RAPGEF4: variants seen among roughly 807,000 people sequenced by gnomAD.
The protein encoded by RAPGEF4 is Rap guanine nucleotide exchange factor 4.
Under a neutral mutation model 147.9 loss-of-function variants are expected in RAPGEF4, and 66 were observed. The observed-to-expected ratio is 0.45, with a 90% CI of 0.37 to 0.55. The LOEUF is 0.55. RAPGEF4 is among the 20% of genes least tolerant of loss of function. The pLI, the probability that RAPGEF4 is intolerant of heterozygous loss-of-function variation, is 0.00. For missense variants in RAPGEF4, 1,071 were observed against 1,257.3 expected (o/e 0.85, Z 2.24); for synonymous variants, 419 against 442.7 (o/e 0.95, Z 0.67).
chr2:172,785,502 G>A (rs1275524262), intron 1 of RAPGEF4, among the ~76,000 whole-genome samples: 1 of 151,894 alleles, frequency 6.6e-6, no homozygotes, highest in East Asian at 1.9e-4. Flanking sequence ...TTCTTCACTG[G>A]AGGAGATGAG....
At chr2:172,811,938 G>C (rs930276731) in intron 3 of RAPGEF4, among the ~76,000 whole-genome samples, 1 of 152,200 alleles carries the variant, frequency 6.6e-6, no homozygotes, top group African/African-American at 2.4e-5. Flanking sequence ...AGACTGTAAA[G>C]ATAGTGAATA....
At position 173,042,836 on chromosome 2, in the gene RAPGEF4, C is replaced by A. The variant is rs1258183821; in HGVS notation, c.2854-5764C>A. Among the ~76,000 whole-genome samples, 2 of 152,184 alleles carry A rather than the reference C, an allele frequency of 1.3e-5. No individual in the cohort carries two copies. The highest frequency in any genetic ancestry group is 4.8e-5 in the African/African-American group (2 of 41,438). ...GCTCTACACGTGCCTGGAAAGGCAC[C>A]TGAACTGTCTTCTCCCATGGTCATC... On this transcript the variant is annotated intron_variant, in intron 29 of 30. Transcript: ENST00000397081. The surrounding 1 kb of genome is among the most constrained non-coding windows in gnomAD (Gnocchi z 4.2).
intron 1 of RAPGEF4, among the ~76,000 whole-genome samples, chr2:172,741,915 T>C (rs577765949): frequency 5.8e-4 from 88 of 152,286 alleles, no homozygotes; most frequent in African/African-American, 2.0e-3. Flanking sequence ...TGAAGTGATC[T>C]TCCCACCTTG....
intron 1 of RAPGEF4, among the ~76,000 whole-genome samples, chr2:172,769,832 A>C (rs1697191680): frequency 6.6e-6 from 1 of 152,146 alleles, no homozygotes; most frequent in Admixed American, 6.6e-5. Flanking sequence ...AAAAAACTGA[A>C]ATTCATTTAT....
upstream of RAPGEF4, chr2:172,735,595 G>A (rs1195473828): frequency 6.6e-6 from 1 of 152,378 alleles, no homozygotes; most frequent in African/African-American, 2.4e-5. Context: ...CGGGGTGAGG[G>A]TGGGGCCCCA....
intron 1 of RAPGEF4, among the ~76,000 whole-genome samples, chr2:172,794,463 TAAG>T (rs1443404286): frequency 6.6e-6 from 1 of 151,604 alleles, no homozygotes; most frequent in Admixed American, 6.6e-5. Context: ...CACAGAAAAC[TAAG>T]AAGAAGGAAA....
intron 4 of RAPGEF4, among the ~76,000 whole-genome samples, chr2:172,830,837 A>G (rs962297725): frequency 6.6e-6 from 1 of 152,220 alleles, no homozygotes; most frequent in East Asian, 1.9e-4. Flanking sequence ...TAATACATAC[A>G]TGTGGTACAA....
chr2:172,783,416 A>G (rs1684869231), intron 1 of RAPGEF4, among the ~76,000 whole-genome samples: 1 of 152,090 alleles, frequency 6.6e-6, no homozygotes, highest in Admixed American at 6.5e-5. Flanking sequence ...CTAAACAAGG[A>G]GGCATTATGC....
intron 4 of RAPGEF4, among the ~76,000 whole-genome samples, chr2:172,843,502 T>C (rs1276988814): frequency 1.3e-5 from 2 of 152,232 alleles, no homozygotes; most frequent in Non-Finnish European, 2.9e-5. Context: ...TATATAGTTA[T>C]TTTATTTTGC....
chr2:172,982,825 G>C lies in RAPGEF4; in HGVS notation c.1005-671G>C, dbSNP rs1420598698. On this transcript the variant is annotated intron_variant, in intron 10 of 30. Coordinates refer to ENST00000397081, the MANE Select transcript of RAPGEF4 (RefSeq NM_007023.4). ...TACATAAACTGATTAATATCTGGTGGGCAGTGGTGGTTTTTGTAACAAGAG... is the reference window on the plus strand; with the variant it reads ...TACATAAACTGATTAATATCTGGTGCGCAGTGGTGGTTTTTGTAACAAGAG... 2.0e-5 allele frequency among the ~76,000 whole-genome samples: 3 copies of C among 152,188 alleles called. No individual in the cohort carries two copies. In the South Asian group the frequency reaches 6.3e-4, roughly 32 times the overall value.
intron 5 of RAPGEF4, 35 bp downstream of exon 5, chr2:172,917,909 A>T (rs758378550): frequency 6.3e-7 from 1 of 1,583,168 alleles, no homozygotes; most frequent in Non-Finnish European, 8.7e-7. Flanking sequence ...GTATCTAAAA[A>T]TTTGTCGTGT....
intron 18 of RAPGEF4, among the ~76,000 whole-genome samples, chr2:173,014,850 TTTG>T (rs1695362296): frequency 6.6e-6 from 1 of 152,214 alleles, no homozygotes; most frequent in Non-Finnish European, 1.5e-5. Flanking sequence ...TCTCTTTTTC[TTTG>T]TATGTTTTAT....
At chr2:172,846,962 A>G in intron 4 of RAPGEF4, among the ~76,000 whole-genome samples, 1 of 152,126 alleles carries the variant, frequency 6.6e-6, no homozygotes, top group East Asian at 1.9e-4. Context: ...TTGGAATGTG[A>G]GCAACCTGAG....
chr2:173,028,396 A>G (rs1297567993), intron 25 of RAPGEF4, among the ~76,000 whole-genome samples: 2 of 152,220 alleles, frequency 1.3e-5, no homozygotes, highest in Admixed American at 1.3e-4. Context: ...TAGAAGAAGC[A>G]CACTCTCTCT....
chr2:172,789,891 C>A (rs760230174), intron 1 of RAPGEF4, among the ~76,000 whole-genome samples: 71 of 152,088 alleles, frequency 4.7e-4, no homozygotes, highest in Non-Finnish European at 9.0e-4. Context: ...GTTTCTGTAT[C>A]TTGGCTACTG....
intron 4 of RAPGEF4, among the ~76,000 whole-genome samples, chr2:172,875,519 G>T (rs1024394614): frequency 6.6e-6 from 1 of 152,052 alleles, no homozygotes; most frequent in Non-Finnish European, 1.5e-5. Flanking sequence ...TTTCCCTATT[G>T]CTTGTTTTTG....
chr2:172,931,855 A>G (rs1403243514), intron 6 of RAPGEF4, among the ~76,000 whole-genome samples: 1 of 152,104 alleles, frequency 6.6e-6, no homozygotes, highest in Admixed American at 6.5e-5. Flanking sequence ...CTGCCTAGTA[A>G]AAGGATTTGT....
chr2:172,991,265 C>T (rs964030004), intron 15 of RAPGEF4, among the ~76,000 whole-genome samples: 1 of 152,150 alleles, frequency 6.6e-6, no homozygotes, highest in Admixed American at 6.5e-5. Context: ...GATATGAAGG[C>T]CCCTGGGTGA....
chr2:172,884,521 C>T (rs779146384), intron 4 of RAPGEF4, among the ~76,000 whole-genome samples: 2 of 152,202 alleles, frequency 1.3e-5, no homozygotes, highest in Non-Finnish European at 2.9e-5. Context: ...CAGCATAGTG[C>T]GTGCTTGAAC....
Sources: allele counts gnomAD v4.1 joint callset (sites outside exome capture counted in the v4.1 genomes callset), GRCh38; gene constraint gnomAD v4.1.1; non-coding constraint Gnocchi (gnomAD v3.1); transcripts MANE v1.5; gene names NCBI Gene and HGNC (gene_info 2026-07-23, HGNC 2026-07-21).